The following CASQ2 variants were observed in gnomAD, a reference collection of about 807,000 sequenced individuals.
CASQ2 encodes calsequestrin-2.
Under a neutral mutation model 46.5 loss-of-function variants are expected in CASQ2, and 49 were observed. The observed-to-expected ratio is 1.05, with a 90% confidence interval of 0.84 to 1.34. The LOEUF (loss-of-function observed/expected upper bound fraction) is 1.34, where lower values mean the gene tolerates loss of function less well. Ranked by LOEUF, CASQ2 falls within the 40% of genes most tolerant of loss-of-function variation. CASQ2 has a pLI of 0.00. For synonymous variants in CASQ2, 174 were observed against 168.5 expected (o/e 1.03, Z -0.25); for missense variants, 486 against 481.3 (o/e 1.01, Z -0.09).
intron 1 of CASQ2, among the ~76,000 whole-genome samples, chr1:115,759,565 C>T (rs75338190): frequency 0.027 from 4,180 of 152,274 alleles, 229 homozygotes; most frequent in African/African-American, 0.096. Context: ...AAGTAAACCT[C>T]TTTTTATAGA....
At chr1:115,758,350 C>A (rs1648831067) in intron 1 of CASQ2, among the ~76,000 whole-genome samples, 1 of 152,240 alleles carries the variant, frequency 6.6e-6, no homozygotes, top group African/African-American at 2.4e-5. Context: ...GTGCTTCTCC[C>A]TTCTCCTCCT....
intron 1 of CASQ2, among the ~76,000 whole-genome samples, chr1:115,761,907 A>C (rs1648976713): frequency 6.6e-6 from 1 of 152,206 alleles, no homozygotes; most frequent in Non-Finnish European, 1.5e-5. Flanking sequence ...ATTGGTTTGC[A>C]TTTTTAGGTA....
chr1:115,712,703 A>C (rs139939322), intron 8 of CASQ2, among the ~76,000 whole-genome samples: 2 of 152,140 alleles, frequency 1.3e-5, no homozygotes, highest in East Asian at 3.9e-4. Context: ...TGAAAATACA[A>C]AACTTAGCCA....
At chr1:115,753,584 C>T (rs1169827091) in intron 1 of CASQ2, among the ~76,000 whole-genome samples, 2 of 152,138 alleles carry the variant, frequency 1.3e-5, no homozygotes, top group African/African-American at 2.4e-5. Flanking sequence ...AGGTGTCACA[C>T]AGAGGCGAGA....
chr1:115,710,777 C>T (rs140659266), intron 8 of CASQ2, among the ~76,000 whole-genome samples: 2 of 152,276 alleles, frequency 1.3e-5, no homozygotes, highest in Non-Finnish European at 2.9e-5. Context: ...TGCAACTCCT[C>T]TCCTGCCACT....
rs1648250323 is a variant in CASQ2, at chr1:115,743,131, C to T, written c.319+1697G>A. ...GTTTAACATATTTTGCTCCCATACTCAAGGGAGAAAAATATCCCTCAATGT... is the reference window on the plus strand; with the variant it reads ...GTTTAACATATTTTGCTCCCATACTTAAGGGAGAAAAATATCCCTCAATGT... On this transcript the variant is annotated intron_variant, in intron 2 of 10. Coordinates refer to ENST00000261448, the MANE Select transcript of CASQ2 (RefSeq NM_001232.4). Among the ~76,000 whole-genome samples the T allele has an allele frequency of 4.6e-5, 7 of 152,192 alleles. No homozygotes were observed. In the South Asian group the frequency reaches 1.5e-3, roughly 32 times the overall value.
chr1:115,719,787 C>A (rs998414779), intron 7 of CASQ2, among the ~76,000 whole-genome samples: 1 of 152,084 alleles, frequency 6.6e-6, no homozygotes, highest in Admixed American at 6.5e-5. Context: ...GGGCTGAGAA[C>A]CCCCGGGGCT....
chr1:115,740,717 T>C lies in CASQ2; in HGVS notation c.420+11A>G, dbSNP rs776399304. 6.4e-7 allele frequency: 1 copy of C among 1,554,698 alleles called. No homozygotes were observed. Among genetic ancestry groups the C allele is most frequent in the Non-Finnish European group, 8.9e-7 (1 of 1,125,710 alleles). On this transcript the variant is annotated intron_variant, in intron 3 of 10. Coordinates refer to ENST00000261448, the MANE Select transcript of CASQ2 (RefSeq NM_001232.4). ...CAGCTCCATGCAGGGTCACTGTGTA[T>C]AAATACTTACATCCAAGAGGAACTC...
At chr1:115,728,403 A>C (rs1647668263) in intron 5 of CASQ2, among the ~76,000 whole-genome samples, 2 of 152,334 alleles carry the variant, frequency 1.3e-5, no homozygotes, top group Admixed American at 6.5e-5. Flanking sequence ...TTTTATTGTC[A>C]GGTTAATTTT....
At chr1:115,730,206 C>T (rs1450549808) in intron 5 of CASQ2, among the ~76,000 whole-genome samples, 1 of 152,176 alleles carries the variant, frequency 6.6e-6, no homozygotes, top group Non-Finnish European at 1.5e-5. Flanking sequence ...GGCTGGGGCC[C>T]AGAGACCAAT....
intron 7 of CASQ2, among the ~76,000 whole-genome samples, chr1:115,723,434 G>C (rs916095313): frequency 6.6e-6 from 1 of 151,876 alleles, no homozygotes; most frequent in African/African-American, 2.4e-5. Flanking sequence ...CACTATTTTG[G>C]TACATCTGAA....
At chr1:115,736,164 G>GAA (rs61418355) in intron 4 of CASQ2, among the ~76,000 whole-genome samples, 3 of 98,858 alleles carry the variant, frequency 3.0e-5, no homozygotes, top group Non-Finnish European at 2.1e-5. Context: ...ACTCCATCCC[G>GAA]AAAAAAAAAA....
At chr1:115,716,974 G>C (rs1399089274) in intron 8 of CASQ2, among the ~76,000 whole-genome samples, 1 of 152,146 alleles carries the variant, frequency 6.6e-6, no homozygotes, top group African/African-American at 2.4e-5. Flanking sequence ...GGATCGTGGG[G>C]GTGGTTTCTT....
At chr1:115,726,962 C>T in intron 6 of CASQ2, 30 bp downstream of exon 6, 1 of 1,391,760 alleles carries the variant, frequency 7.2e-7, no homozygotes, top group East Asian at 2.4e-5. Flanking sequence ...AGACCCCAGG[C>T]CCCCAGCCCC....
intron 7 of CASQ2, among the ~76,000 whole-genome samples, chr1:115,722,925 G>C (rs1221546368): frequency 6.6e-6 from 1 of 152,146 alleles, no homozygotes; most frequent in Non-Finnish European, 1.5e-5. Context: ...GTATGCACCT[G>C]TAATCCCAGC....
At chr1:115,713,560 G>A (rs1654612097) in intron 8 of CASQ2, among the ~76,000 whole-genome samples, 1 of 152,218 alleles carries the variant, frequency 6.6e-6, no homozygotes, top group African/African-American at 2.4e-5. Context: ...ACTGCTGGGG[G>A]AAGAAAGTGG....
intron 2 of CASQ2, among the ~76,000 whole-genome samples, chr1:115,743,982 CAA>C (rs11462500): frequency 0.71 from 106,311 of 149,022 alleles, 41,408 homozygotes; most frequent in Non-Finnish European, 0.87. Flanking sequence ...CATAAAAATA[CAA>C]AAAAAAAAAA....
intron 1 of CASQ2, among the ~76,000 whole-genome samples, chr1:115,760,783 G>A (rs12059400): frequency 0.014 from 2,106 of 152,194 alleles, 61 homozygotes; most frequent in African/African-American, 0.048. Context: ...TACTACAATC[G>A]ACTAAGAACA....
chr1:115,722,318 T>C (rs1201183358), intron 7 of CASQ2, among the ~76,000 whole-genome samples: 1 of 152,248 alleles, frequency 6.6e-6, no homozygotes. Flanking sequence ...ACCATTATTT[T>C]ATATTATAGC....
Sources: gnomAD v4.1 joint callset for allele counts (sites outside exome capture counted in the v4.1 genomes callset) on GRCh38, gnomAD v4.1.1 for gene constraint, MANE v1.5 for transcripts, NCBI Gene and HGNC (gene_info 2026-07-23, HGNC 2026-07-21) for gene names.